BANP: variants seen among roughly 807,000 people sequenced by gnomAD.
The protein encoded by BANP is protein BANP.
Under a neutral mutation model 68.1 loss-of-function variants are expected in BANP, and 11 were observed. The observed-to-expected ratio is 0.16, with a 90% CI of 0.10 to 0.27. The LOEUF (loss-of-function observed/expected upper bound fraction) is 0.27. Among genes scored for constraint, BANP ranks in the 10% least tolerant of loss-of-function variants. BANP has a pLI of 1.00. For missense variants in BANP, 504 were observed against 722.7 expected (o/e 0.70, Z 3.47); for synonymous variants, 329 against 303.2 (o/e 1.09, Z -0.88).
chr16:87,999,258 G>T (rs1179193699), intron 4 of BANP, among the ~76,000 whole-genome samples: 2 of 134,644 alleles, frequency 1.5e-5, no homozygotes, highest in Non-Finnish European at 3.2e-5. Flanking sequence ...GTACTTACCT[G>T]TCCTTCCAGA....
At chr16:87,983,251 C>T (rs775675879) in intron 3 of BANP, among the ~76,000 whole-genome samples, 1 of 152,228 alleles carries the variant, frequency 6.6e-6, no homozygotes, top group South Asian at 2.1e-4. Flanking sequence ...CAACCTGTCC[C>T]TCCCTAGACC....
chr16:87,953,172 C>G (rs1035148925), intron 1 of BANP, among the ~76,000 whole-genome samples: 5 of 149,340 alleles, frequency 3.3e-5, no homozygotes, highest in African/African-American at 1.2e-4. Flanking sequence ...CGAATTCAGT[C>G]TGTCTGAAGC....
chr16:88,051,484 C>G (rs1224495257), intron 11 of BANP, among the ~76,000 whole-genome samples: 1 of 152,216 alleles, frequency 6.6e-6, no homozygotes, highest in Non-Finnish European at 1.5e-5. Flanking sequence ...CGGTGCCTCA[C>G]GCGCAGTAGG....
intron 8 of BANP, among the ~76,000 whole-genome samples, chr16:88,029,380 C>T (rs375174184): frequency 1.3e-3 from 186 of 147,196 alleles, no homozygotes; most frequent in African/African-American, 3.5e-3. Context: ...GAGGCCAAGG[C>T]GGGCAGATCA....
Position 88,076,817 on chromosome 16 carries a change from A to G in BANP, c.*156A>G. On this transcript the variant is annotated 3_prime_UTR_variant, in exon 14 of 14. Coordinates refer to ENST00000682872, the MANE Select transcript of BANP (RefSeq NM_001386991.1). ...CCTCCGCGGGGAACAGCATCCTATC[A>G]ACTGAAAGAGCAGCCGCCGCCGCCC... The G allele has an allele frequency of 1.6e-6, 1 of 626,152 alleles. No homozygotes were observed. Among genetic ancestry groups the G allele is most frequent in the South Asian group, 2.1e-5 (1 of 48,072 alleles). 38.8% of individuals were successfully genotyped at this position (626,152 alleles called of 1,614,324 possible). A position where few individuals can be genotyped will look rare whatever the true frequency, so the allele number is the denominator to read the frequency against.
At chr16:88,053,056 C>A (rs113502724) in intron 11 of BANP, among the ~76,000 whole-genome samples, 2,303 of 122,888 alleles carry the variant, frequency 0.019, 58 homozygotes, top group African/African-American at 0.058. Context: ...CACCATCACC[C>A]CTGTCATCTC....
chr16:87,991,256 G>A (rs536639336), intron 4 of BANP, among the ~76,000 whole-genome samples: 2 of 150,986 alleles, frequency 1.3e-5, no homozygotes, highest in African/African-American at 2.5e-5. Context: ...CTACAACTTC[G>A]GGAATTATTC....
Position 88,023,722 on chromosome 16 carries a change from A to C in BANP, c.896-3761A>C, listed in dbSNP as rs576567003. ...ATGGAGAGCTGGGAATCGGCTTATGATTTGAACCACCAGAGTCAGTAACGG... is the reference window on the plus strand; with the variant it reads ...ATGGAGAGCTGGGAATCGGCTTATGCTTTGAACCACCAGAGTCAGTAACGG... On this transcript the variant is annotated intron_variant, in intron 7 of 13. Coordinates refer to ENST00000682872, the MANE Select transcript of BANP (RefSeq NM_001386991.1). 9.9e-5 allele frequency among the ~76,000 whole-genome samples: 15 copies of C among 152,274 alleles called. No homozygotes were observed. In the South Asian group the frequency reaches 2.9e-3, roughly 29 times the overall value.
At chr16:87,959,506 G>A (rs994901770) in intron 1 of BANP, among the ~76,000 whole-genome samples, 15 of 152,368 alleles carry the variant, frequency 9.8e-5, no homozygotes, top group African/African-American at 2.6e-4. Context: ...GGCTGCTTGC[G>A]AGGGAGGCGG....
At chr16:87,976,196 G>C (rs1195217194) in intron 2 of BANP, among the ~76,000 whole-genome samples, 1 of 152,346 alleles carries the variant, frequency 6.6e-6, no homozygotes, top group African/African-American at 2.4e-5. Context: ...GTTCCTAGAA[G>C]TAGAATTGCT....
chr16:88,041,583 C>T (rs1666671260), intron 11 of BANP, among the ~76,000 whole-genome samples: 1 of 152,186 alleles, frequency 6.6e-6, no homozygotes, highest in South Asian at 2.1e-4. Context: ...AGATGGAATG[C>T]CCTGTCTCAC....
At chr16:87,988,942 AACTG>A (rs1171797543) in intron 4 of BANP, among the ~76,000 whole-genome samples, 1 of 152,144 alleles carries the variant, frequency 6.6e-6, no homozygotes, top group Non-Finnish European at 1.5e-5. Flanking sequence ...TTCTCATTAA[AACTG>A]ACTGGTCTGT....
intron 8 of BANP, among the ~76,000 whole-genome samples, chr16:88,030,380 G>A (rs757330229): frequency 1.3e-5 from 2 of 152,218 alleles, no homozygotes; most frequent in Admixed American, 6.5e-5. Context: ...AAAAAGAACC[G>A]TATGGAACTC....
chr16:88,060,970 C>G (rs1040461271), intron 11 of BANP, among the ~76,000 whole-genome samples: 6 of 151,896 alleles, frequency 4.0e-5, no homozygotes, highest in Non-Finnish European at 5.9e-5. Flanking sequence ...CCACCCTGCC[C>G]CAGTGAGTCA....
chr16:87,996,683 G>T (rs958872876), intron 4 of BANP, among the ~76,000 whole-genome samples: 1 of 151,582 alleles, frequency 6.6e-6, no homozygotes, highest in Non-Finnish European at 1.5e-5. Flanking sequence ...CTGGGCCCTC[G>T]TCCTGGGCGC....
intron 7 of BANP, among the ~76,000 whole-genome samples, chr16:88,023,406 C>T (rs1258742193): frequency 2.6e-5 from 4 of 152,164 alleles, no homozygotes; most frequent in Non-Finnish European, 4.4e-5. Context: ...GTGCATGGGG[C>T]GTGAGCTGTG....
chr16:88,072,096 G>T lies in BANP; in HGVS notation c.1405G>T (p.Val469Leu). ...QVLQGAQLIAVASSDPAAAGV... is the reference protein window; with the variant it reads ...QVLQGAQLIALASSDPAAAGV... ...GCTGCAGGGTGCACAGCTGATCGCCGTGGCCTCCTCGGACCCCGCGGCGGC... is the reference window on the plus strand; with the variant it reads ...GCTGCAGGGTGCACAGCTGATCGCCTTGGCCTCCTCGGACCCCGCGGCGGC... Residue 469 changes from valine (V) to leucine (L), a missense_variant, in exon 13 of 14, where the codon GTG becomes TTG. This residue lies in a region of BANP where 223 missense variants were observed against 246.2 expected (regional missense o/e 0.91). Transcript: ENST00000682872. 2 of 1,597,562 alleles carry T rather than the reference G, an allele frequency of 1.3e-6. No homozygotes were observed. The highest frequency in any genetic ancestry group is 1.7e-6 in the Non-Finnish European group (2 of 1,173,786).
At chr16:88,032,553 A>G (rs1323282637) in intron 8 of BANP, among the ~76,000 whole-genome samples, 2 of 152,242 alleles carry the variant, frequency 1.3e-5, no homozygotes, top group African/African-American at 2.4e-5. Flanking sequence ...AATTCTCTGC[A>G]ACAAAACTAC....
intron 11 of BANP, among the ~76,000 whole-genome samples, chr16:88,047,807 T>C (rs1240440302): frequency 6.6e-6 from 1 of 152,252 alleles, no homozygotes; most frequent in Non-Finnish European, 1.5e-5. Context: ...CTCCTTCCTA[T>C]GTTTGGTGTA....
Sources: allele counts gnomAD v4.1 joint callset (sites outside exome capture counted in the v4.1 genomes callset), GRCh38; gene constraint gnomAD v4.1.1; regional missense constraint gnomAD v4.1.1; transcripts MANE v1.5; gene names NCBI Gene and HGNC (gene_info 2026-07-23, HGNC 2026-07-21).